Variants in NFIB observed in about 807,000 individuals in gnomAD.
NFIB encodes the protein nuclear factor 1 B-type.
NFIB carries 11 observed loss-of-function variants against 61.5 expected under a neutral mutation model. The ratio of observed to expected loss-of-function variants is 0.18; its 90% confidence interval spans 0.11 to 0.30. The LOEUF (loss-of-function observed/expected upper bound fraction) is 0.30, where lower values mean the gene tolerates loss of function less well. NFIB is among the 10% of genes least tolerant of loss of function. NFIB has a pLI of 1.00. For missense variants in NFIB, 471 were observed against 608.9 expected, an observed-to-expected ratio of 0.77 and a Z score of 2.38; for synonymous variants, 260 against 216.5, an observed-to-expected ratio of 1.20 and a Z score of -1.76.
chr9:14,410,416 G>A, the NFIB span, among the ~76,000 whole-genome samples: 1 of 152,218 alleles, frequency 6.6e-6, no homozygotes, highest in African/African-American at 2.4e-5. Context: ...TTATTGGAAA[G>A]GGCCTAATAT....
chr9:14,423,837 A>C, the NFIB span, among the ~76,000 whole-genome samples: 3 of 152,188 alleles, frequency 2.0e-5, no homozygotes, highest in African/African-American at 7.2e-5. Flanking sequence ...ACTGTGCAGT[A>C]ATCTTACACC....
At chr9:14,358,892 G>C (rs1181654791) in intron 1 of NFIB, among the ~76,000 whole-genome samples, 1 of 152,084 alleles carries the variant, frequency 6.6e-6, no homozygotes, top group Non-Finnish European at 1.5e-5. Flanking sequence ...TAAAAATGAA[G>C]GTAATGATAC....
chr9:14,373,841 C>A lies in NFIB; in HGVS notation c.108+24683G>T, dbSNP rs1470020153. ...ATCCACATTCATTTTAATTATGTTTCAATCACCAGGGGCAGCAACTGAAGG... is the reference window on the plus strand; with the variant it reads ...ATCCACATTCATTTTAATTATGTTTAAATCACCAGGGGCAGCAACTGAAGG... On this transcript the variant is annotated intron_variant, in intron 1 of 8. Coordinates refer to the NFIB transcript ENST00000380934. Among the ~76,000 whole-genome samples the A allele has an allele frequency of 2.0e-5, 3 of 152,106 alleles. No homozygotes were observed. The South Asian group carries it at 6.2e-4, about 31-fold the overall frequency.
At chr9:14,491,156 C>T in the NFIB span, among the ~76,000 whole-genome samples, 1 of 152,158 alleles carries the variant, frequency 6.6e-6, no homozygotes, top group South Asian at 2.1e-4. Context: ...ATCTCAATTT[C>T]CTCAACTATA....
At chr9:14,528,185 T>A in the NFIB span, among the ~76,000 whole-genome samples, 1 of 152,200 alleles carries the variant, frequency 6.6e-6, no homozygotes, top group Non-Finnish European at 1.5e-5. Context: ...GGCCTACATA[T>A]ACTGATATTA....
intron 1 of NFIB, among the ~76,000 whole-genome samples, chr9:14,372,773 C>T (rs895289880): frequency 3.9e-5 from 6 of 152,212 alleles, no homozygotes; most frequent in Admixed American, 2.6e-4. Flanking sequence ...CTGGCTGTAG[C>T]TTCTAATGCT....
At chr9:14,480,492 C>T in the NFIB span, among the ~76,000 whole-genome samples, 8 of 152,140 alleles carry the variant, frequency 5.3e-5, no homozygotes, top group Non-Finnish European at 1.2e-4. Flanking sequence ...AAGGACAGTC[C>T]ATTATGTGTC....
intron 1 of NFIB, chr9:14,362,133 G>C (rs1460350117): frequency 6.6e-6 from 1 of 152,164 alleles, no homozygotes; most frequent in South Asian, 2.1e-4. Flanking sequence ...AAGTAGTTCT[G>C]TGGCTCCAAT....
intron 1 of NFIB, among the ~76,000 whole-genome samples, chr9:14,393,234 A>G (rs2061646123): frequency 6.6e-6 from 1 of 152,096 alleles, no homozygotes; most frequent in Non-Finnish European, 1.5e-5. Context: ...AATGTGCTGC[A>G]CATCCTCCCA....
intron 6 of NFIB, among the ~76,000 whole-genome samples, chr9:14,134,634 G>A (rs1357902945): frequency 6.6e-6 from 1 of 152,164 alleles, no homozygotes; most frequent in African/African-American, 2.4e-5. Context: ...GCTCATGCCT[G>A]TAATCCCAGC....
At chr9:14,464,931 T>G in the NFIB span, among the ~76,000 whole-genome samples, 2 of 152,300 alleles carry the variant, frequency 1.3e-5, no homozygotes, top group South Asian at 4.1e-4. Flanking sequence ...ACAGTACCTG[T>G]CATGTGGAAT....
At chr9:14,476,433 T>C in the NFIB span, among the ~76,000 whole-genome samples, 1 of 152,164 alleles carries the variant, frequency 6.6e-6, no homozygotes, top group East Asian at 1.9e-4. Flanking sequence ...GTGAGCCAGA[T>C]CAGTGTTCAT....
chr9:14,323,477 A>G (rs2060708768), intron 1 of NFIB, among the ~76,000 whole-genome samples: 1 of 152,194 alleles, frequency 6.6e-6, no homozygotes, highest in Non-Finnish European at 1.5e-5. Context: ...ACAAGTATTA[A>G]AAGTAAAAAT....
Position 14,274,597 on chromosome 9 carries a change from A to T in NFIB, c.562+32392T>A, listed in dbSNP as rs573011743. Among the ~76,000 whole-genome samples the T allele has an allele frequency of 5.3e-5, 8 of 152,202 alleles. No homozygotes were observed. In the East Asian group the frequency reaches 1.5e-3, roughly 29 times the overall value. On this transcript the variant is annotated intron_variant, in intron 2 of 10. Transcript: ENST00000380953. ...CCTTTTAGATTATTTGCAGTTACTG[A>T]CTCTTCTGAAATCTTAGATTTGAAC...
In NFIB at chr9:14,227,501, AG is replaced by A. The variant is rs1370404004; in HGVS notation, c.563-47722del. On this transcript the variant is annotated intron_variant, in intron 2 of 10. Coordinates refer to ENST00000380953, the MANE Select transcript of NFIB (RefSeq NM_001190737.2). ...AGACTTGAAATATATCATACTATGG[AG>A]AAAGGCACACCTACTTTGGATTTTC... Among the ~76,000 whole-genome samples the A allele has an allele frequency of 3.9e-5, 6 of 152,350 alleles. No homozygotes were observed. In the East Asian group the frequency reaches 1.2e-3, roughly 29 times the overall value.
the NFIB span, among the ~76,000 whole-genome samples, chr9:14,531,179 C>A: frequency 6.6e-6 from 1 of 152,184 alleles, no homozygotes; most frequent in Non-Finnish European, 1.5e-5. Flanking sequence ...CAACTTCTCT[C>A]TTCCCAATAT....
At chr9:14,143,897 G>A (rs930502998) in intron 6 of NFIB, among the ~76,000 whole-genome samples, 3 of 151,916 alleles carry the variant, frequency 2.0e-5, no homozygotes, top group African/African-American at 7.3e-5. Flanking sequence ...GTACTGTACT[G>A]CCCGCATTTC....
the NFIB span, among the ~76,000 whole-genome samples, chr9:14,498,768 TCCCTCC>T: frequency 7.3e-5 from 2 of 27,294 alleles, no homozygotes; most frequent in African/African-American, 1.4e-4. Flanking sequence ...CTCATGGCCC[TCCCTCC>T]CTCCCTCCCT....
intron 2 of NFIB, among the ~76,000 whole-genome samples, chr9:14,189,269 C>T (rs1316421553): frequency 6.6e-6 from 1 of 152,158 alleles, no homozygotes; most frequent in East Asian, 1.9e-4. Flanking sequence ...ATTTCATTGG[C>T]AATCTTTCTT....
Sources: allele counts gnomAD v4.1 joint callset (sites outside exome capture counted in the v4.1 genomes callset), GRCh38; gene constraint gnomAD v4.1.1; transcripts MANE v1.5; gene names NCBI Gene and HGNC (gene_info 2026-07-23, HGNC 2026-07-21).